The following ABR variants were observed in gnomAD, a reference collection of about 807,000 sequenced individuals.
ABR encodes the protein active breakpoint cluster region-related protein.
In ABR, 35 loss-of-function variants were observed where a neutral mutation model predicts 107.2. The observed-to-expected ratio is 0.33, with a 90% confidence interval of 0.25 to 0.43. ABR has a LOEUF of 0.43. ABR is among the 20% of genes least tolerant of loss of function. ABR has a pLI of 1.00. For synonymous variants in ABR, 498 were observed against 462.0 expected, an observed-to-expected ratio of 1.08 and a Z score of -1.00; for missense variants, 815 against 1,115.2, an observed-to-expected ratio of 0.73 and a Z score of 3.83.
At chr17:1,149,830 C>G (rs540193361) in intron 1 of ABR, among the ~76,000 whole-genome samples, 1 of 152,210 alleles carries the variant, frequency 6.6e-6, no homozygotes, top group Admixed American at 6.5e-5. Context: ...CCAGGCTCTC[C>G]GAATTCCACT....
chr17:1,031,714 AGTCGGGCTGGGGCAGGAC>A lies in ABR; in HGVS notation c.1791+18318_1791+18335del. On this transcript the variant is annotated intron_variant, in intron 16 of 22. Transcript: ENST00000302538. ...GGTTCGCGCCCCGCCTTCGGGCTGC[AGTCGGGCTGGGGCAGGAC>A]GTCGGTCATGCCGGGGGGGACGGGA... 5 of 1,248,648 alleles carry A rather than the reference AGTCGGGCTGGGGCAGGAC, an allele frequency of 4.0e-6. No homozygotes were observed. The South Asian group carries it at 1.2e-4, about 31-fold the overall frequency. 77.3% of individuals were successfully genotyped at this position (1,248,648 alleles called of 1,614,324 possible). A position where few individuals can be genotyped will look rare whatever the true frequency, so the allele number is the denominator to read the frequency against.
chr17:1,199,549 A>G (rs951461409), intron 1 of ABR, among the ~76,000 whole-genome samples: 5 of 151,284 alleles, frequency 3.3e-5, no homozygotes, highest in African/African-American at 1.2e-4. Context: ...CCCGGGTTCA[A>G]GCAATTCTCC....
intron 1 of ABR, among the ~76,000 whole-genome samples, chr17:1,219,527 T>G: frequency 6.8e-6 from 1 of 147,802 alleles, no homozygotes; most frequent in Non-Finnish European, 1.5e-5. Context: ...TTATTTTTTC[T>G]TGCCATGGCT....
At chr17:1,164,450 T>C (rs1209062973) in intron 1 of ABR, among the ~76,000 whole-genome samples, 1 of 128,614 alleles carries the variant, frequency 7.8e-6, no homozygotes, top group East Asian at 2.2e-4. Flanking sequence ...TGTCGGAGCA[T>C]CTAGGTGGGA....
chr17:1,091,923 G>A lies in ABR; in HGVS notation c.346-73C>T, dbSNP rs559477846. 4.3e-5 allele frequency: 63 copies of A among 1,459,644 alleles called. 1 individual carries two copies. Among genetic ancestry groups the A allele is most frequent in the East Asian group, 1.6e-4 (7 of 43,778 alleles). 90.4% of individuals were successfully genotyped at this position (1,459,644 alleles called of 1,614,324 possible). ...CAGAGTGTCGGCAGGCCCCGGGGCC[G>A]ATCGTTAGCCCTTCCCGCTGCCCAA... On this transcript the variant is annotated intron_variant, in intron 3 of 22. Transcript: ENST00000302538.
intron 16 of ABR, among the ~76,000 whole-genome samples, chr17:1,015,506 G>A (rs1178907242): frequency 6.6e-6 from 1 of 151,516 alleles, no homozygotes; most frequent in South Asian, 2.1e-4. Context: ...GTCCAGGCCG[G>A]AGTGCAATGG....
rs2035226002 is a variant in ABR at position 1,071,391 on chromosome 17, G to A, written c.894+1223C>T. Among the ~76,000 whole-genome samples the A allele has an allele frequency of 6.6e-6, 1 of 152,078 alleles. No individual in the cohort carries two copies. The highest frequency in any genetic ancestry group is 2.4e-5 in the African/African-American group (1 of 41,400). ...AACAGACCACAGGAGCAGACACCCTGTCAGCCTCACTCGTAACGGCCGCCT... is the reference window on the plus strand; with the variant it reads ...AACAGACCACAGGAGCAGACACCCTATCAGCCTCACTCGTAACGGCCGCCT... On this transcript the variant is annotated intron_variant, in intron 8 of 22. Coordinates refer to ENST00000302538, the MANE Select transcript of ABR (RefSeq NM_021962.5). The surrounding 1 kb of genome is among the most constrained non-coding windows in gnomAD (Gnocchi z 5.1).
At chr17:1,178,620 A>C (rs1405839415) in intron 1 of ABR, among the ~76,000 whole-genome samples, 1 of 151,578 alleles carries the variant, frequency 6.6e-6, no homozygotes, top group Admixed American at 6.6e-5. Flanking sequence ...AGTGCCTAGA[A>C]TCAGGCTGAA....
At chr17:1,058,660 G>A (rs2304961) in intron 11 of ABR, 85 bp downstream of exon 11, 1,021,832 of 1,526,344 alleles carry the variant, frequency 0.67, 343,473 homozygotes, top group East Asian at 0.84. Flanking sequence ...TTTCCGGTTC[G>A]TACAGGTCAG....
chr17:1,185,682 A>C (rs1210321024), intron 1 of ABR, among the ~76,000 whole-genome samples: 1 of 147,954 alleles, frequency 6.8e-6, no homozygotes, highest in Non-Finnish European at 1.5e-5. Flanking sequence ...AAAAAAAAAG[A>C]AGGTATGTGC....
At chr17:1,024,164 C>G (rs2150850769) in intron 16 of ABR, among the ~76,000 whole-genome samples, 1 of 152,276 alleles carries the variant, frequency 6.6e-6, no homozygotes, top group East Asian at 1.9e-4. Context: ...AATTCCAGGG[C>G]CCAGGTCAGC....
intron 1 of ABR, among the ~76,000 whole-genome samples, chr17:1,127,855 A>T (rs191660205): frequency 1.3e-5 from 2 of 152,342 alleles, no homozygotes; most frequent in African/African-American, 4.8e-5. Context: ...TGATCAGAGC[A>T]GAGGACCACG....
intron 16 of ABR, among the ~76,000 whole-genome samples, chr17:1,042,120 C>T (rs753064681): frequency 3.3e-4 from 51 of 152,276 alleles, no homozygotes; most frequent in Middle Eastern, 3.4e-3. Context: ...TTTTTCTCAA[C>T]GAAAGGCAAG....
intron 1 of ABR, among the ~76,000 whole-genome samples, chr17:1,151,109 C>G (rs1389632352): frequency 6.6e-6 from 1 of 152,184 alleles, no homozygotes; most frequent in Non-Finnish European, 1.5e-5. Flanking sequence ...CTCTGTGCCT[C>G]TGTTTTACCT....
rs564028936 is a variant in ABR at position 1,018,837 on chromosome 17, A to G, written c.1792-5673T>C. Among the ~76,000 whole-genome samples the G allele has an allele frequency of 1.4e-3, 217 of 152,322 alleles. 2 individuals carry two copies. Among genetic ancestry groups the G allele is most frequent in the African/African-American group, 4.9e-3 (205 of 41,566 alleles). ...CACAGCATCTGCGTTCATGATCATG[A>G]TAGCAGACATATGCGGTTTAAGCTC... On this transcript the variant is annotated intron_variant, in intron 16 of 22. Coordinates refer to ENST00000302538, the MANE Select transcript of ABR (RefSeq NM_021962.5).
At chr17:1,184,194 G>A (rs1244525811), upstream of ABR, among the ~76,000 whole-genome samples, 2 of 149,440 alleles carry the variant, frequency 1.3e-5, no homozygotes, top group African/African-American at 4.9e-5. Flanking sequence ...AGTTGCTCAC[G>A]CCTGTAATCC....
intron 1 of ABR, among the ~76,000 whole-genome samples, chr17:1,196,116 G>A (rs1210159415): frequency 3.1e-5 from 4 of 128,264 alleles, no homozygotes; most frequent in Non-Finnish European, 3.2e-5. Flanking sequence ...GCAACAGAGC[G>A]AGATTCTGTC....
At chr17:1,083,716 G>T in intron 4 of ABR, 89 bp from the exon 5 acceptor site, 1 of 1,104,200 alleles carries the variant, frequency 9.1e-7, no homozygotes, top group Non-Finnish European at 1.4e-6. Context: ...AGCACCGGGA[G>T]CTCCCCTGCA....
In ABR at chr17:1,011,915, C is replaced by G; in HGVS notation, c.2032G>C (p.Glu678Gln). 6.2e-7 allele frequency: 1 copy of G among 1,612,292 alleles called. No homozygotes were observed. The highest frequency in any genetic ancestry group is 1.7e-5 in the Admixed American group (1 of 59,932). The change falls in exon 19 of 23, where the codon GAG (glutamate) becomes CAG (glutamine). Residue 678 changes from glutamate (E) to glutamine (Q), a missense_variant. By Grantham distance (29) the Glu-to-Gln change is conservative. This residue lies in a region of ABR where 175 missense variants were observed against 284.3 expected (regional missense o/e 0.62). Transcript: ENST00000302538. The surrounding 1 kb of genome is among the most constrained non-coding windows in gnomAD (Gnocchi z 4.8). ...VEEVEKRGIE[E>Q]VGIYRISGVA... ...CCCGATATCCTGTAGATGCCAACCT[C>G]CTCGATACCCCTCTTCTCCACCTCC...
Sources: allele counts gnomAD v4.1 joint callset (sites outside exome capture counted in the v4.1 genomes callset), GRCh38; gene constraint gnomAD v4.1.1; regional missense constraint gnomAD v4.1.1; non-coding constraint Gnocchi (gnomAD v3.1); transcripts MANE v1.5; gene names NCBI Gene and HGNC (gene_info 2026-07-23, HGNC 2026-07-21).